Variants in KCNH8 observed in about 807,000 individuals in gnomAD.
KCNH8 encodes voltage-gated delayed rectifier potassium channel KCNH8.
A neutral mutation model predicts 103.6 loss-of-function variants in KCNH8; 70 were observed. That is an observed-to-expected ratio of 0.68 (90% confidence interval 0.56 to 0.82). The LOEUF (loss-of-function observed/expected upper bound fraction) is 0.82, where lower values mean the gene tolerates loss of function less well. KCNH8 is among the 40% of genes least tolerant of loss of function. The probability of loss-of-function intolerance (pLI) is 0.00; values close to 1 mark genes in which losing one functional copy is unlikely to be tolerated. For synonymous variants in KCNH8, 498 were observed against 489.4 expected (o/e 1.02, Z -0.23); for missense variants, 1,217 against 1,329.9 (o/e 0.92, Z 1.32).
intron 3 of KCNH8, among the ~76,000 whole-genome samples, chr3:19,335,983 A>G (rs1235345695): frequency 6.6e-6 from 1 of 151,588 alleles, no homozygotes; most frequent in East Asian, 1.9e-4. Flanking sequence ...GCCACCTTTT[A>G]GAAAAAAATG....
chr3:19,222,001 C>T (rs1468934709), intron 1 of KCNH8, among the ~76,000 whole-genome samples: 1 of 152,184 alleles, frequency 6.6e-6, no homozygotes, highest in Non-Finnish European at 1.5e-5. Flanking sequence ...GCACGTGCCA[C>T]CACACCAGGC....
At chr3:19,401,486 C>T (rs1022050047) in intron 7 of KCNH8, among the ~76,000 whole-genome samples, 2 of 152,094 alleles carry the variant, frequency 1.3e-5, no homozygotes, top group African/African-American at 4.8e-5. Context: ...TCATCACAAA[C>T]AATTTATATT....
intron 1 of KCNH8, among the ~76,000 whole-genome samples, chr3:19,175,841 A>G (rs980979563): frequency 4.6e-5 from 7 of 152,254 alleles, no homozygotes; most frequent in Non-Finnish European, 1.0e-4. Flanking sequence ...AATACTGTCT[A>G]TGACTTTTCA....
chr3:19,226,258 T>A (rs11914667), intron 1 of KCNH8, among the ~76,000 whole-genome samples: 15,945 of 152,252 alleles, frequency 0.1, 2,773 homozygotes, highest in African/African-American at 0.36. Context: ...ATTTTATATG[T>A]TGTCCACACA....
intron 2 of KCNH8, among the ~76,000 whole-genome samples, chr3:19,271,115 A>G (rs1382168893): frequency 6.6e-6 from 1 of 152,132 alleles, no homozygotes. Context: ...TCCTGTGATA[A>G]TGATTCCTTT....
chr3:19,167,560 G>A (rs2063298002), intron 1 of KCNH8, among the ~76,000 whole-genome samples: 2 of 152,174 alleles, frequency 1.3e-5, no homozygotes, highest in South Asian at 4.2e-4. Context: ...TTCCTGCATT[G>A]CTTTTTAGGA....
rs1177837670 is a variant in KCNH8, at chr3:19,258,937, CTCTCTCTCTCTATATA to C, written c.310+5052_310+5067del. 2.5e-3 allele frequency among the ~76,000 whole-genome samples: 201 copies of C among 80,024 alleles called. 3 individuals carry two copies. The highest frequency in any genetic ancestry group is 0.011 in the Middle Eastern group (2 of 182). The allele number at this position is 80,024 out of a possible 152,430, so 52.5% of individuals were successfully genotyped here. A position where few individuals can be genotyped will look rare whatever the true frequency, so the allele number is the denominator to read the frequency against. On this transcript the variant is annotated intron_variant, in intron 2 of 15. Coordinates refer to ENST00000328405, the MANE Select transcript of KCNH8 (RefSeq NM_144633.3). ...TCTCTCTCTCTCTCTCTCTCTCTCT[CTCTCTCTCTCTATATA>C]TATATATATATATATATATATATAT...
chr3:19,485,338 G>C (rs2068182635), intron 11 of KCNH8, among the ~76,000 whole-genome samples: 1 of 152,172 alleles, frequency 6.6e-6, no homozygotes, highest in Non-Finnish European at 1.5e-5. Flanking sequence ...AAATTTACCT[G>C]AAGATCCTCA....
chr3:19,517,752 T>C (rs555881295), intron 14 of KCNH8, among the ~76,000 whole-genome samples: 1 of 152,004 alleles, frequency 6.6e-6, no homozygotes, highest in African/African-American at 2.4e-5. Flanking sequence ...AATGGGGTGT[T>C]TGCAATGGAC....
intron 1 of KCNH8, among the ~76,000 whole-genome samples, chr3:19,246,274 G>GTTTTTTTTTTTTTTTTTTTT (rs920423108): frequency 3.5e-5 from 3 of 86,346 alleles, no homozygotes; most frequent in Admixed American, 1.3e-4. Context: ...TGTTGTTGTT[G>GTTTTTTTTTTTTTTTTTTTT]TTTTTTTTTT....
chr3:19,336,011 TA>T (rs1413650551), intron 3 of KCNH8, among the ~76,000 whole-genome samples: 1 of 151,764 alleles, frequency 6.6e-6, no homozygotes, highest in African/African-American at 2.4e-5. Flanking sequence ...CTGCTTCATT[TA>T]TTTTTTTGTT....
chr3:19,504,035 C>T (rs936167051), intron 11 of KCNH8, among the ~76,000 whole-genome samples: 1 of 152,010 alleles, frequency 6.6e-6, no homozygotes, highest in Admixed American at 6.6e-5. Flanking sequence ...AGAAATAAGG[C>T]CACACATCTA....
chr3:19,165,749 T>C (rs2063276963), intron 1 of KCNH8, among the ~76,000 whole-genome samples: 1 of 152,104 alleles, frequency 6.6e-6, no homozygotes, highest in Non-Finnish European at 1.5e-5. Flanking sequence ...TGTTTGTGAG[T>C]TGGGTGGGGA....
At chr3:19,201,625 G>C (rs2063664176) in intron 1 of KCNH8, among the ~76,000 whole-genome samples, 1 of 151,946 alleles carries the variant, frequency 6.6e-6, no homozygotes, top group African/African-American at 2.4e-5. Context: ...CTTAATGAAT[G>C]CCCTATTTAA....
chr3:19,325,714 G>A lies in KCNH8; in HGVS notation c.443-16873G>A, dbSNP rs150210975. Among the ~76,000 whole-genome samples the A allele has an allele frequency of 3.8e-3, 578 of 152,248 alleles. 10 individuals are homozygous for A. The highest frequency in any genetic ancestry group is 0.013 in the African/African-American group (540 of 41,536). On this transcript the variant is annotated intron_variant, in intron 3 of 15. Coordinates refer to ENST00000328405, the MANE Select transcript of KCNH8 (RefSeq NM_144633.3). ...TGTTGGTGATGTTATGGAGTAAAAT[G>A]AATGCTAATACACTTTTGGTGGGAG...
chr3:19,240,967 A>T (rs1211859803), intron 1 of KCNH8, among the ~76,000 whole-genome samples: 1 of 152,104 alleles, frequency 6.6e-6, no homozygotes, highest in African/African-American at 2.4e-5. Context: ...ATGGACTGTC[A>T]TGATAACCCT....
chr3:19,194,177 G>T (rs953298306), intron 1 of KCNH8, among the ~76,000 whole-genome samples: 8 of 151,736 alleles, frequency 5.3e-5, no homozygotes, highest in Non-Finnish European at 1.0e-4. Flanking sequence ...CTAATAGTAG[G>T]TAATAGTATG....
At chr3:19,352,756 C>T (rs1354432276) in intron 5 of KCNH8, among the ~76,000 whole-genome samples, 1 of 152,160 alleles carries the variant, frequency 6.6e-6, no homozygotes, top group Non-Finnish European at 1.5e-5. Flanking sequence ...AAATTTATAG[C>T]ACTAAATGCC....
chr3:19,194,728 C>T (rs992925634), intron 1 of KCNH8, among the ~76,000 whole-genome samples: 3 of 151,802 alleles, frequency 2.0e-5, no homozygotes, highest in African/African-American at 7.3e-5. Context: ...ACCTCAGCAT[C>T]ATACAATATA....
Sources: allele counts gnomAD v4.1 joint callset (sites outside exome capture counted in the v4.1 genomes callset), GRCh38; gene constraint gnomAD v4.1.1; transcripts MANE v1.5; gene names NCBI Gene and HGNC (gene_info 2026-07-23, HGNC 2026-07-21).